The following RALGAPA2 variants were observed in gnomAD, a reference collection of about 807,000 sequenced individuals.
RALGAPA2 encodes the protein ral GTPase-activating protein subunit alpha-2.
A neutral mutation model predicts 230.4 loss-of-function variants in RALGAPA2; 139 were observed. That is an observed-to-expected ratio of 0.60 (90% CI 0.53 to 0.69). The LOEUF (loss-of-function observed/expected upper bound fraction) is 0.69. RALGAPA2 is among the 30% of genes least tolerant of loss of function. The pLI is 0.00. For missense variants in RALGAPA2, 2,163 were observed against 2,276.0 expected, an observed-to-expected ratio of 0.95 and a Z score of 1.01; for synonymous variants, 847 against 837.8, an observed-to-expected ratio of 1.01 and a Z score of -0.19.
chr20:20,464,329 T>C (rs567209950), intron 37 of RALGAPA2, among the ~76,000 whole-genome samples: 1 of 152,236 alleles, frequency 6.6e-6, no homozygotes, highest in Non-Finnish European at 1.5e-5. Flanking sequence ...GAGCTTCCTT[T>C]AGGCATTACA....
intron 15 of RALGAPA2, among the ~76,000 whole-genome samples, chr20:20,602,813 CGT>C (rs35087554): frequency 0.19 from 27,286 of 147,154 alleles, 2,484 homozygotes; most frequent in East Asian, 0.31. Context: ...GAATGGCAGG[CGT>C]GTGTGTGTGT....
Position 20,520,547 on chromosome 20 carries a change from G to A in RALGAPA2, c.4084+370C>T, listed in dbSNP as rs568814558. On this transcript the variant is annotated intron_variant, in intron 31 of 39. Transcript: ENST00000202677. ...ACACCTGCCCACCCTGCTAAGTCTG[G>A]CTTAAGTCCTTCTTCATGGAAAGCC... Among the ~76,000 whole-genome samples the A allele has an allele frequency of 4.6e-5, 7 of 152,194 alleles. No homozygotes were observed. In the East Asian group the frequency reaches 1.2e-3, roughly 25 times the overall value.
chr20:20,612,631 T>C (rs1430736943), intron 13 of RALGAPA2, among the ~76,000 whole-genome samples: 2 of 152,184 alleles, frequency 1.3e-5, no homozygotes, highest in African/African-American at 4.8e-5. Flanking sequence ...CTGCACTGCA[T>C]GCTACTTGTC....
intron 30 of RALGAPA2, among the ~76,000 whole-genome samples, chr20:20,523,845 A>G (rs1365071571): frequency 6.6e-6 from 1 of 152,252 alleles, no homozygotes; most frequent in African/African-American, 2.4e-5. Flanking sequence ...GAATTCTGAC[A>G]AAACTGCAGT....
chr20:20,647,950 A>G (rs999136403), intron 4 of RALGAPA2, among the ~76,000 whole-genome samples: 1 of 152,202 alleles, frequency 6.6e-6, no homozygotes, highest in Non-Finnish European at 1.5e-5. Context: ...ACAGTCTAGT[A>G]GTTAAACATA....
intron 24 of RALGAPA2, among the ~76,000 whole-genome samples, chr20:20,540,305 C>T (rs542086054): frequency 2.0e-5 from 3 of 152,296 alleles, no homozygotes; most frequent in African/African-American, 7.2e-5. Flanking sequence ...TTCACTAACC[C>T]ACACACTCAT....
chr20:20,445,142 G>C lies in RALGAPA2; in HGVS notation c.5495+27687C>G, dbSNP rs527919443. On this transcript the variant is annotated intron_variant, in intron 37 of 39. Transcript: ENST00000202677. ...ACTTCATAATAGGTATGTATGTGTA[G>C]GAAAAACGTAGAATATAAAGGTTTT... Among the ~76,000 whole-genome samples, 126 of 152,272 alleles carry C rather than the reference G, an allele frequency of 8.3e-4. 5 individuals are homozygous for C. The South Asian group carries it at 0.026, about 31-fold the overall frequency.
In RALGAPA2 at chr20:20,512,816, T is replaced by C. The variant is rs1356854739; in HGVS notation, c.4553A>G (p.Asp1518Gly). Reference sequence around the variant, plus strand: ...GTTTTCAAGTAATTTGTCAAGAACATCATCCCCCTCCTCAACTTGAGAAGA... The same window carrying C: ...GTTTTCAAGTAATTTGTCAAGAACACCATCCCCCTCCTCAACTTGAGAAGA... The part of the protein sequence containing the change: ...KDSSQVEEGD[D>G]VLDKLLENIG... Residue 1518 changes from aspartate to glycine, a missense_variant, in exon 32 of 40, where the codon GAT becomes GGT. Transcript: ENST00000202677. 3 of 1,613,686 alleles carry C rather than the reference T, an allele frequency of 1.9e-6. No individual in the cohort carries two copies. Among genetic ancestry groups the C allele is most frequent in the Non-Finnish European group, 2.5e-6 (3 of 1,179,620 alleles).
rs570392861 is a variant in RALGAPA2 at position 20,577,148 on chromosome 20, G to A, written c.2708-4080C>T. ...ATCAGTCCCCACTGAGTGTCATCTCGAGTGTATATGTTGTTGGCATTTTTA... is the reference window on the plus strand; with the variant it reads ...ATCAGTCCCCACTGAGTGTCATCTCAAGTGTATATGTTGTTGGCATTTTTA... On this transcript the variant is annotated intron_variant, in intron 20 of 39. Coordinates refer to ENST00000202677, the MANE Select transcript of RALGAPA2 (RefSeq NM_020343.4). Among the ~76,000 whole-genome samples, 4 of 152,154 alleles carry A rather than the reference G, an allele frequency of 2.6e-5. No individual in the cohort carries two copies. In the South Asian group the frequency reaches 8.3e-4, roughly 32 times the overall value.
At chr20:20,585,482 A>T (rs1263192748) in intron 18 of RALGAPA2, among the ~76,000 whole-genome samples, 2 of 152,238 alleles carry the variant, frequency 1.3e-5, no homozygotes, top group East Asian at 3.8e-4. Context: ...TGCATCCTCT[A>T]ATAAGTTATA....
intron 16 of RALGAPA2, among the ~76,000 whole-genome samples, chr20:20,599,415 C>T (rs185185808): frequency 6.6e-6 from 1 of 152,230 alleles, no homozygotes; most frequent in East Asian, 1.9e-4. Context: ...GTCTACTTTA[C>T]GGTGTTCTTA....
At chr20:20,504,321 A>G (rs2062464453) in intron 34 of RALGAPA2, among the ~76,000 whole-genome samples, 1 of 152,208 alleles carries the variant, frequency 6.6e-6, no homozygotes, top group Admixed American at 6.5e-5. Flanking sequence ...CTTAGTAAGG[A>G]TGTCGTTTTG....
chr20:20,395,661 A>T (rs1418093939), intron 39 of RALGAPA2, among the ~76,000 whole-genome samples: 1 of 152,092 alleles, frequency 6.6e-6, no homozygotes, highest in Non-Finnish European at 1.5e-5. Flanking sequence ...CAATATCAGG[A>T]CTGGGCTTAA....
At chr20:20,494,581 G>C (rs144698582) in intron 36 of RALGAPA2, among the ~76,000 whole-genome samples, 1 of 152,276 alleles carries the variant, frequency 6.6e-6, no homozygotes, top group East Asian at 1.9e-4. Context: ...CTGCAGCAAG[G>C]TGCTCCAATT....
At chr20:20,640,672 A>G in intron 6 of RALGAPA2, 29 bp downstream of exon 6, 1 of 1,574,784 alleles carries the variant, frequency 6.4e-7, no homozygotes, top group East Asian at 2.3e-5. Context: ...GAGTAATTTC[A>G]ACATGGGAGA....
chr20:20,633,548 C>G (rs950370691), intron 9 of RALGAPA2, among the ~76,000 whole-genome samples: 2 of 152,168 alleles, frequency 1.3e-5, no homozygotes, highest in African/African-American at 4.8e-5. Context: ...AGTGCAGTGG[C>G]GCGATCTCCG....
chr20:20,600,139 A>G (rs941011113), intron 16 of RALGAPA2, among the ~76,000 whole-genome samples: 11 of 150,974 alleles, frequency 7.3e-5, no homozygotes, highest in Non-Finnish European at 1.6e-4. Flanking sequence ...TACTGAAGAA[A>G]AAAAAAATTA....
intron 1 of RALGAPA2, among the ~76,000 whole-genome samples, chr20:20,701,653 G>A (rs550620114): frequency 1.3e-5 from 2 of 152,038 alleles, no homozygotes; most frequent in South Asian, 2.1e-4. Context: ...TTGCTAGAAC[G>A]GGGGAGGTGA....
intron 36 of RALGAPA2, among the ~76,000 whole-genome samples, chr20:20,475,406 A>G (rs538721584): frequency 1.3e-5 from 2 of 152,338 alleles, no homozygotes; most frequent in African/African-American, 4.8e-5. Flanking sequence ...TTCATTTAAC[A>G]TTCATAAATC....
Sources: gnomAD v4.1 joint callset for allele counts (sites outside exome capture counted in the v4.1 genomes callset) on GRCh38, gnomAD v4.1.1 for gene constraint, MANE v1.5 for transcripts, NCBI Gene and HGNC (gene_info 2026-07-23, HGNC 2026-07-21) for gene names.